NUP210L: variants seen among roughly 807,000 people sequenced by gnomAD.
The protein encoded by NUP210L is nuclear pore membrane glycoprotein 210-like.
A neutral mutation model predicts 208.5 loss-of-function variants in NUP210L; 74 were observed. The observed-to-expected ratio is 0.35, with a 90% CI of 0.29 to 0.43. The LOEUF (loss-of-function observed/expected upper bound fraction) is 0.43, where lower values mean the gene tolerates loss of function less well. Ranked by LOEUF, NUP210L falls within the 20% of genes least tolerant of loss-of-function variation. The pLI is 1.00. For missense variants in NUP210L, 1,843 were observed against 2,289.4 expected, an observed-to-expected ratio of 0.81 and a Z score of 3.98; for synonymous variants, 780 against 816.9, an observed-to-expected ratio of 0.95 and a Z score of 0.77.
At chr1:154,093,514 T>C (rs562840065) in intron 15 of NUP210L, among the ~76,000 whole-genome samples, 6 of 152,324 alleles carry the variant, frequency 3.9e-5, no homozygotes, top group African/African-American at 1.4e-4. Flanking sequence ...TAGCTAGTTA[T>C]ATATACAGTA....
chr1:154,032,582 C>G (rs572139884), intron 27 of NUP210L, among the ~76,000 whole-genome samples: 2 of 151,216 alleles, frequency 1.3e-5, no homozygotes, highest in East Asian at 4.0e-4. Flanking sequence ...CTCACTGCAA[C>G]CTCTGCCTCC....
intron 37 of NUP210L, among the ~76,000 whole-genome samples, chr1:153,999,564 C>A (rs1650087450): frequency 6.6e-6 from 1 of 151,704 alleles, no homozygotes; most frequent in Non-Finnish European, 1.5e-5. Flanking sequence ...ATGGTGAAAC[C>A]CCATTTCTAC....
intron 27 of NUP210L, among the ~76,000 whole-genome samples, chr1:154,037,166 T>C (rs1251655919): frequency 6.6e-6 from 1 of 152,228 alleles, no homozygotes; most frequent in Non-Finnish European, 1.5e-5. Context: ...TCTGCAGCTG[T>C]TGAATAGAAG....
intron 25 of NUP210L, among the ~76,000 whole-genome samples, chr1:154,053,065 A>G (rs192010047): frequency 6.6e-6 from 1 of 152,388 alleles, no homozygotes; most frequent in East Asian, 1.9e-4. Flanking sequence ...ATGGCTCTTA[A>G]TAAGATCCAA....
At chr1:154,109,566 T>A (rs890442271) in intron 12 of NUP210L, among the ~76,000 whole-genome samples, 10 of 151,652 alleles carry the variant, frequency 6.6e-5, no homozygotes, top group Non-Finnish European at 1.2e-4. Flanking sequence ...ACAGAACTTT[T>A]CATTCAATGG....
intron 20 of NUP210L, among the ~76,000 whole-genome samples, 196 bp downstream of exon 20, chr1:154,060,344 G>C (rs1265400326): frequency 6.6e-6 from 1 of 152,140 alleles, no homozygotes; most frequent in Admixed American, 6.6e-5. Context: ...TTCTAACTGA[G>C]ATCTCTTATA....
intron 27 of NUP210L, among the ~76,000 whole-genome samples, chr1:154,034,827 GTCTC>G (rs199575940): frequency 2.7e-4 from 40 of 146,162 alleles, no homozygotes; most frequent in Non-Finnish European, 4.5e-4. Context: ...TGGTTGTAAT[GTCTC>G]TCTCTCTCTC....
chr1:154,111,752 T>C (rs1046861786), intron 12 of NUP210L, among the ~76,000 whole-genome samples: 9 of 151,330 alleles, frequency 5.9e-5, no homozygotes, highest in African/African-American at 1.5e-4. Context: ...TTTTGAAAAA[T>C]AGAGAAGAGA....
chr1:154,065,405 A>G (rs1654353399), intron 17 of NUP210L, among the ~76,000 whole-genome samples: 1 of 152,200 alleles, frequency 6.6e-6, no homozygotes, highest in Non-Finnish European at 1.5e-5. Context: ...TGGGAGACAG[A>G]ATAATATCCT....
intron 25 of NUP210L, among the ~76,000 whole-genome samples, chr1:154,049,748 C>A (rs1218272717): frequency 6.6e-6 from 1 of 152,170 alleles, no homozygotes; most frequent in Non-Finnish European, 1.5e-5. Flanking sequence ...GCCAGGACTG[C>A]CTTCTCCTGC....
chr1:154,131,001 T>C (rs1034568035), intron 7 of NUP210L, among the ~76,000 whole-genome samples: 6 of 152,000 alleles, frequency 3.9e-5, no homozygotes, highest in African/African-American at 1.4e-4. Context: ...GCGTCGTGAA[T>C]CACGCCTGTA....
chr1:154,000,683 TGGAAC>T (rs972754083), intron 37 of NUP210L, among the ~76,000 whole-genome samples, 168 bp downstream of exon 37: 3 of 152,254 alleles, frequency 2.0e-5, no homozygotes, highest in Non-Finnish European at 2.9e-5. Context: ...TCATGCTATT[TGGAAC>T]AGTGCACAAT....
intron 17 of NUP210L, 144 bp from the exon 18 acceptor site, chr1:154,061,818 A>G: frequency 1.6e-6 from 1 of 636,228 alleles, no homozygotes; most frequent in Non-Finnish European, 2.8e-6. Context: ...GAAATACATA[A>G]GAAAAAACTG....
At chr1:154,029,638 C>T (rs1458270508) in intron 28 of NUP210L, among the ~76,000 whole-genome samples, 2 of 151,842 alleles carry the variant, frequency 1.3e-5, no homozygotes, top group African/African-American at 2.4e-5. Context: ...TGTGGTGAGC[C>T]GAGATTGTGC....
intron 1 of NUP210L, among the ~76,000 whole-genome samples, chr1:154,153,609 C>T (rs1411178059): frequency 6.6e-6 from 1 of 152,106 alleles, no homozygotes; most frequent in East Asian, 1.9e-4. Context: ...TGCGCCCGGC[C>T]GAATGTTTTT....
At chr1:154,008,315 G>T (rs1194691959) in intron 35 of NUP210L, among the ~76,000 whole-genome samples, 11 of 152,048 alleles carry the variant, frequency 7.2e-5, no homozygotes, top group Non-Finnish European at 1.6e-4. Flanking sequence ...CACTTTGGGA[G>T]GCCGAGGTGG....
At chr1:154,043,587 G>A (rs1291368263) in intron 27 of NUP210L, among the ~76,000 whole-genome samples, 1 of 147,780 alleles carries the variant, frequency 6.8e-6, no homozygotes, top group Non-Finnish European at 1.5e-5. Context: ...CTCCCAAAGT[G>A]AGCCACTGTG....
At chr1:154,072,419 A>G (rs746399547) in intron 16 of NUP210L, among the ~76,000 whole-genome samples, 92 of 114,620 alleles carry the variant, frequency 8.0e-4, no homozygotes, top group Middle Eastern at 0.014. Flanking sequence ...TGCAAGCTCC[A>G]CCTCCCGGGT....
At chr1:154,013,678 T>C (rs545543691) in intron 33 of NUP210L, among the ~76,000 whole-genome samples, 5 of 152,276 alleles carry the variant, frequency 3.3e-5, no homozygotes, top group African/African-American at 1.2e-4. Context: ...TTGCACATAA[T>C]CTCAATCTTT....
Sources: gnomAD v4.1 joint callset for allele counts (sites outside exome capture counted in the v4.1 genomes callset) on GRCh38, gnomAD v4.1.1 for gene constraint, MANE v1.5 for transcripts, NCBI Gene and HGNC (gene_info 2026-07-23, HGNC 2026-07-21) for gene names.